XYLT1: variants seen among roughly 807,000 people sequenced by gnomAD.
The protein encoded by XYLT1 is xylosyltransferase 1.
XYLT1 carries 36 observed loss-of-function variants against 91.3 expected under a neutral mutation model. That is an observed-to-expected ratio of 0.39 (90% CI 0.30 to 0.52). The LOEUF (loss-of-function observed/expected upper bound fraction) is 0.52, where lower values mean the gene tolerates loss of function less well. Ranked by LOEUF, XYLT1 falls within the 20% of genes least tolerant of loss-of-function variation. XYLT1 has a pLI of 0.68. For synonymous variants in XYLT1, 588 were observed against 532.0 expected (o/e 1.11, Z -1.45); for missense variants, 1,242 against 1,284.5 (o/e 0.97, Z 0.51).
intron 2 of XYLT1, among the ~76,000 whole-genome samples, chr16:17,302,229 C>A (rs60776588): frequency 0.041 from 6,230 of 151,436 alleles, 234 homozygotes; most frequent in East Asian, 0.1. Flanking sequence ...ACTACTACTA[C>A]TAATAATAAT....
At chr16:17,219,134 TA>T (rs2032913856) in intron 3 of XYLT1, among the ~76,000 whole-genome samples, 1 of 151,782 alleles carries the variant, frequency 6.6e-6, no homozygotes, top group African/African-American at 2.4e-5. Context: ...ATACAAAAAT[TA>T]GCTGGGCGTG....
chr16:17,390,965 G>GAGAT (rs1647927751), intron 1 of XYLT1, among the ~76,000 whole-genome samples: 2 of 152,162 alleles, frequency 1.3e-5, no homozygotes, highest in Admixed American at 1.3e-4. Context: ...TTGAACCTGG[G>GAGAT]AGATAGAGGT....
rs2030849759 is a variant in XYLT1 at position 17,138,496 on chromosome 16, G to A, written c.1623C>T (p.His541=). The A allele has an allele frequency of 3.1e-6, 5 of 1,614,072 alleles. No homozygotes were observed. The highest frequency in any genetic ancestry group is 4.2e-6 in the Non-Finnish European group (5 of 1,180,036). ...GGTTGTTGTCCACCATGGTGTCGCA[G>A]TGGGGGCTGTTCTCCAGGACCGTAT... is the stretch of plus-strand genomic sequence containing the variant. ...FFHTVLENSP[H]CDTMVDNNLR... The change falls in exon 8 of 12, where the codon CAC becomes CAT. Residue 541 remains histidine (H), a synonymous_variant. Coordinates refer to ENST00000261381, the MANE Select transcript of XYLT1 (RefSeq NM_022166.4).
chr16:17,237,129 T>C (rs1486469759), intron 3 of XYLT1, among the ~76,000 whole-genome samples: 1 of 152,204 alleles, frequency 6.6e-6, no homozygotes, highest in Non-Finnish European at 1.5e-5. Context: ...AGATGAAAGA[T>C]TCTAAGGATG....
Position 17,276,955 on chromosome 16 carries a change from G to T in XYLT1, c.403-17457C>A, listed in dbSNP as rs115373704. Reference sequence around the variant, plus strand: ...CAGAATAGTTAGCAGTTAATAAAAGGTAGCGGTTACCCACATCATTTCATG... The same window carrying T: ...CAGAATAGTTAGCAGTTAATAAAAGTTAGCGGTTACCCACATCATTTCATG... On this transcript the variant is annotated intron_variant, in intron 2 of 11. Coordinates refer to ENST00000261381, the MANE Select transcript of XYLT1 (RefSeq NM_022166.4). 2.3e-3 allele frequency among the ~76,000 whole-genome samples: 351 copies of T among 152,284 alleles called. 2 individuals are homozygous for T. The highest frequency in any genetic ancestry group is 7.9e-3 in the African/African-American group (327 of 41,542).
At chr16:17,379,728 A>ATCTCTCTCTC (rs71137986) in intron 1 of XYLT1, among the ~76,000 whole-genome samples, 48 of 125,872 alleles carry the variant, frequency 3.8e-4, no homozygotes, top group African/African-American at 1.3e-3. Flanking sequence ...AATGAAGGAT[A>ATCTCTCTCTC]TCTCTCTCTC....
intron 3 of XYLT1, among the ~76,000 whole-genome samples, chr16:17,258,257 G>A (rs751496387): frequency 2.9e-4 from 43 of 150,428 alleles, no homozygotes; most frequent in Non-Finnish European, 3.4e-4. Context: ...AAAGCAGGAA[G>A]GAATGTAGAA....
intron 1 of XYLT1, 78 bp downstream of exon 1, chr16:17,470,355 TC>T: frequency 8.3e-7 from 1 of 1,203,386 alleles, no homozygotes; most frequent in Non-Finnish European, 1.0e-6. Flanking sequence ...ATGACCGAGT[TC>T]AAGGGCTAGG....
chr16:17,450,233 G>T (rs1235397019), intron 1 of XYLT1, among the ~76,000 whole-genome samples: 1 of 152,142 alleles, frequency 6.6e-6, no homozygotes, highest in Non-Finnish European at 1.5e-5. Context: ...AGCTACTCAG[G>T]AGGCTGAGGC....
chr16:17,235,131 T>C (rs530771280), intron 3 of XYLT1, among the ~76,000 whole-genome samples: 13 of 152,250 alleles, frequency 8.5e-5, no homozygotes, highest in African/African-American at 2.6e-4. Context: ...AAGTAGCTTG[T>C]TCCAGTTCAG....
intron 1 of XYLT1, among the ~76,000 whole-genome samples, chr16:17,400,696 T>C (rs1451704719): frequency 1.3e-5 from 2 of 150,806 alleles, no homozygotes; most frequent in African/African-American, 4.9e-5. Flanking sequence ...ACTTGCAGTT[T>C]AGGAGGAGAC....
chr16:17,135,514 T>TGTC (rs1375912289), intron 8 of XYLT1, among the ~76,000 whole-genome samples: 8 of 149,964 alleles, frequency 5.3e-5, no homozygotes, highest in Admixed American at 4.0e-4. Flanking sequence ...AACAAGACTC[T>TGTC]GTCTCAGAGA....
At chr16:17,450,193 C>A (rs2036646587) in intron 1 of XYLT1, among the ~76,000 whole-genome samples, 1 of 152,072 alleles carries the variant, frequency 6.6e-6, no homozygotes, top group African/African-American at 2.4e-5. Context: ...CAAAAATTAG[C>A]CAGGCATGGT....
At position 17,320,854 on chromosome 16, in the gene XYLT1, C is replaced by T. The variant is rs190819629; in HGVS notation, c.402+37158G>A. 3.6e-4 allele frequency among the ~76,000 whole-genome samples: 52 copies of T among 143,792 alleles called. 1 individual carries two copies. In the East Asian group the frequency reaches 5.6e-3, roughly 16 times the overall value. 94.3% of individuals were successfully genotyped at this position (143,792 alleles called of 152,430 possible). On this transcript the variant is annotated intron_variant, in intron 2 of 11. Transcript: ENST00000261381. ...GGAAATGAGGTTAATGATAATAGTT[C>T]CTGACTCATAGAATTGTTTTTGGCA...
intron 1 of XYLT1, among the ~76,000 whole-genome samples, chr16:17,448,605 A>C (rs962052873): frequency 2.0e-5 from 3 of 151,846 alleles, no homozygotes; most frequent in Admixed American, 1.3e-4. Context: ...TTGACCAGGC[A>C]AATCTCCCTC....
chr16:17,297,360 A>G (rs2034326615), intron 2 of XYLT1, among the ~76,000 whole-genome samples: 1 of 151,958 alleles, frequency 6.6e-6, no homozygotes, highest in Non-Finnish European at 1.5e-5. Context: ...TGAGGCCAGG[A>G]GTTCGAGAAC....
intron 2 of XYLT1, among the ~76,000 whole-genome samples, chr16:17,262,148 T>C (rs2033732318): frequency 6.6e-6 from 1 of 152,168 alleles, no homozygotes; most frequent in South Asian, 2.1e-4. Context: ...ATTGGATGTA[T>C]TTATCTTGCC....
Position 17,141,040 on chromosome 16 carries a change from G to C in XYLT1, c.1587+113C>G, listed in dbSNP as rs1340818973. 1.6e-5 allele frequency: 16 copies of C among 1,011,802 alleles called. No homozygotes were observed. The East Asian group carries it at 3.6e-4, about 23-fold the overall frequency. 62.7% of individuals were successfully genotyped at this position (1,011,802 alleles called of 1,614,324 possible). A position where few individuals can be genotyped will look rare whatever the true frequency, so the allele number is the denominator to read the frequency against. On this transcript the variant is annotated intron_variant, in intron 7 of 11. Coordinates refer to ENST00000261381, the MANE Select transcript of XYLT1 (RefSeq NM_022166.4). The stretch of plus-strand genomic sequence containing the variant: ...GACAGCAAGGATGTCTGGGTGTGTA[G>C]AGGACAATGTAGGTGGACCCAGAAT...
At chr16:17,277,659 G>T (rs2033998248) in intron 2 of XYLT1, among the ~76,000 whole-genome samples, 1 of 152,002 alleles carries the variant, frequency 6.6e-6, no homozygotes, top group African/African-American at 2.4e-5. Flanking sequence ...CAAAGTGCTG[G>T]GATTACAGGG....
Sources: gnomAD v4.1 joint callset for allele counts (sites outside exome capture counted in the v4.1 genomes callset) on GRCh38, gnomAD v4.1.1 for gene constraint, MANE v1.5 for transcripts, NCBI Gene and HGNC (gene_info 2026-07-23, HGNC 2026-07-21) for gene names.